ZNF407: variants seen among roughly 807,000 people sequenced by gnomAD.
ZNF407 encodes zinc finger protein 407.
Under a neutral mutation model 131.2 loss-of-function variants are expected in ZNF407, and 17 were observed. The observed-to-expected ratio is 0.13, with a 90% CI of 0.09 to 0.19. ZNF407 has a LOEUF of 0.19. Ranked by LOEUF, ZNF407 falls within the 10% of genes least tolerant of loss-of-function variation. The pLI, the probability that ZNF407 is intolerant of heterozygous loss-of-function variation, is 1.00. For missense variants in ZNF407, 2,681 were observed against 2,830.6 expected (o/e 0.95, Z 1.20); for synonymous variants, 1,156 against 1,062.0 (o/e 1.09, Z -1.72).
chr18:74,698,351 A>C (rs1266667430), intron 3 of ZNF407, among the ~76,000 whole-genome samples: 1 of 152,220 alleles, frequency 6.6e-6, no homozygotes, highest in Non-Finnish European at 1.5e-5. Context: ...CTAGACTTAT[A>C]ACCAGCATAG....
rs565519731 is a variant in ZNF407, at chr18:74,676,643, C to T, written c.4802+35521C>T. Among the ~76,000 whole-genome samples the T allele has an allele frequency of 5.0e-3, 763 of 151,932 alleles. 7 individuals are homozygous for T. Among genetic ancestry groups the T allele is most frequent in the African/African-American group, 0.017 (694 of 41,422 alleles). ...TAGAGACGGGGTTTCACCGTGTTAG[C>T]CAGGATGGTCTCGATCTCCTGACCT... On this transcript the variant is annotated intron_variant, in intron 3 of 8. Coordinates refer to ENST00000299687, the MANE Select transcript of ZNF407 (RefSeq NM_017757.3).
chr18:74,814,085 T>C (rs1970235217), intron 4 of ZNF407, among the ~76,000 whole-genome samples: 1 of 152,162 alleles, frequency 6.6e-6, no homozygotes, highest in Admixed American at 6.5e-5. Flanking sequence ...TTTAGTAGCA[T>C]TGAGAAAAGT....
chr18:74,845,174 C>T (rs1373904835), intron 4 of ZNF407, among the ~76,000 whole-genome samples: 1 of 152,118 alleles, frequency 6.6e-6, no homozygotes, highest in Non-Finnish European at 1.5e-5. Flanking sequence ...ATTTCTTCAT[C>T]GTAAATTAAA....
intron 1 of ZNF407, among the ~76,000 whole-genome samples, chr18:74,604,775 T>C (rs1186283001): frequency 6.6e-6 from 1 of 152,248 alleles, no homozygotes; most frequent in East Asian, 1.9e-4. Flanking sequence ...ACATACATCA[T>C]GTAATCCCCC....
chr18:74,604,937 C>T (rs1010516020), intron 1 of ZNF407, among the ~76,000 whole-genome samples: 1 of 152,156 alleles, frequency 6.6e-6, no homozygotes, highest in African/African-American at 2.4e-5. Context: ...ATGCAGTTTA[C>T]CAGTTGGGCC....
chr18:74,679,141 G>A (rs1966922809), intron 3 of ZNF407, among the ~76,000 whole-genome samples: 1 of 152,192 alleles, frequency 6.6e-6, no homozygotes, highest in African/African-American at 2.4e-5. Context: ...CTCATTAACT[G>A]ATTGACTAAA....
chr18:74,953,577 C>T (rs1325409495), intron 8 of ZNF407, among the ~76,000 whole-genome samples: 1 of 152,126 alleles, frequency 6.6e-6, no homozygotes, highest in African/African-American at 2.4e-5. Flanking sequence ...GGAGGAGCTC[C>T]CTGCCTCTGT....
At chr18:74,766,892 T>C (rs925313027) in intron 3 of ZNF407, among the ~76,000 whole-genome samples, 56 of 152,214 alleles carry the variant, frequency 3.7e-4, no homozygotes, top group African/African-American at 1.2e-3. Flanking sequence ...ATCCCAACAA[T>C]TTTTATTTTT....
At chr18:74,983,000 A>C in intron 8 of ZNF407, among the ~76,000 whole-genome samples, 1 of 152,214 alleles carries the variant, frequency 6.6e-6, no homozygotes, top group Admixed American at 6.5e-5. Context: ...TTTCCTAATA[A>C]TGCTGCTACT....
intron 3 of ZNF407, among the ~76,000 whole-genome samples, chr18:74,757,951 C>T (rs140554070): frequency 3.3e-5 from 5 of 152,194 alleles, no homozygotes; most frequent in African/African-American, 4.8e-5. Context: ...ATAGCCGCTG[C>T]GGCTTTCTTT....
intron 3 of ZNF407, among the ~76,000 whole-genome samples, chr18:74,749,275 C>T (rs1442114606): frequency 1.3e-5 from 2 of 152,160 alleles, no homozygotes; most frequent in African/African-American, 2.4e-5. Context: ...CTCCCCTCTC[C>T]TCTCATCGTG....
At chr18:74,909,855 T>A (rs2145221581) in intron 7 of ZNF407, among the ~76,000 whole-genome samples, 1 of 152,346 alleles carries the variant, frequency 6.6e-6, no homozygotes, top group East Asian at 1.9e-4. Flanking sequence ...TGATTTCAGC[T>A]TTTATTATAC....
At chr18:74,675,795 A>G (rs1042746477) in intron 3 of ZNF407, among the ~76,000 whole-genome samples, 1 of 152,162 alleles carries the variant, frequency 6.6e-6, no homozygotes, top group African/African-American at 2.4e-5. Flanking sequence ...CAATTCGAGG[A>G]TCTTGAACAC....
At chr18:74,874,743 A>AT (rs5826353) in intron 4 of ZNF407, among the ~76,000 whole-genome samples, 52,104 of 151,408 alleles carry the variant, frequency 0.34, 9,189 homozygotes, top group South Asian at 0.44. Flanking sequence ...ATGGCATTTA[A>AT]TTTTTTTTTC....
At chr18:74,753,589 A>G (rs190384708) in intron 3 of ZNF407, among the ~76,000 whole-genome samples, 1 of 152,032 alleles carries the variant, frequency 6.6e-6, no homozygotes, top group Non-Finnish European at 1.5e-5. Flanking sequence ...TTGTCAAAGG[A>G]CTTTTCTGCA....
rs1281440931 is a variant in ZNF407 at position 74,631,748 on chromosome 18, C to A, written c.729C>A (p.Val243=). Reference sequence around the variant, plus strand: ...AACAAGCACATGGGCCACAGAAGGTCTTTTCCTGTGATCTTTGTGGTTTTC... The same window carrying A: ...AACAAGCACATGGGCCACAGAAGGTATTTTCCTGTGATCTTTGTGGTTTTC... ...HIKQAHGPQK[V]FSCDLCGFQC... Residue 243 remains valine, a synonymous_variant, in exon 2 of 9, where the codon GTC becomes GTA. Coordinates refer to ENST00000299687, the MANE Select transcript of ZNF407 (RefSeq NM_017757.3). 1.2e-6 allele frequency: 2 copies of A among 1,613,916 alleles called. No homozygotes were observed. The highest frequency in any genetic ancestry group is 1.7e-6 in the Non-Finnish European group (2 of 1,179,912).
chr18:74,831,210 G>A (rs745935593), intron 4 of ZNF407, among the ~76,000 whole-genome samples: 12 of 152,166 alleles, frequency 7.9e-5, no homozygotes, highest in Non-Finnish European at 1.8e-4. Flanking sequence ...TATCTTGGCT[G>A]TTGTGAACAG....
At chr18:74,674,560 G>C (rs536140875) in intron 3 of ZNF407, among the ~76,000 whole-genome samples, 2 of 152,146 alleles carry the variant, frequency 1.3e-5, no homozygotes, top group South Asian at 4.2e-4. Flanking sequence ...TTTTGGTTTT[G>C]TTTATTATAT....
chr18:74,742,454 G>A (rs1189120275), intron 3 of ZNF407, among the ~76,000 whole-genome samples: 1 of 152,096 alleles, frequency 6.6e-6, no homozygotes, highest in African/African-American at 2.4e-5. Flanking sequence ...CTTTTTTTCT[G>A]TAAGAACTGC....
Sources: gnomAD v4.1 joint callset for allele counts (sites outside exome capture counted in the v4.1 genomes callset) on GRCh38, gnomAD v4.1.1 for gene constraint, MANE v1.5 for transcripts, NCBI Gene and HGNC (gene_info 2026-07-23, HGNC 2026-07-21) for gene names.